Variants in EHD3 observed in about 807,000 individuals in gnomAD.
The protein encoded by EHD3 is EH domain containing 3.
Under a neutral mutation model 43.0 loss-of-function variants are expected in EHD3, and 17 were observed. The ratio of observed to expected loss-of-function variants is 0.40; its 90% CI spans 0.27 to 0.59. The LOEUF (loss-of-function observed/expected upper bound fraction) is 0.59. Ranked by LOEUF, EHD3 falls within the 20% of genes least tolerant of loss-of-function variation. The pLI is 0.49. For synonymous variants in EHD3, 313 were observed against 289.5 expected (o/e 1.08, Z -0.82); for missense variants, 594 against 705.6 (o/e 0.84, Z 1.79).
chr2:31,237,109 A>G (rs1382487190), intron 1 of EHD3, among the ~76,000 whole-genome samples: 1 of 152,176 alleles, frequency 6.6e-6, no homozygotes, highest in Non-Finnish European at 1.5e-5. Context: ...CCAGCGCTGT[A>G]GGAGGGGTCA....
rs971311158 is a variant in EHD3, at chr2:31,243,273, A to T, written c.228-1001A>T. On this transcript the variant is annotated intron_variant, in intron 1 of 5. Coordinates refer to ENST00000322054, the MANE Select transcript of EHD3 (RefSeq NM_014600.3). ...AGCCTGGGCGACGGAATGACACTCC[A>T]TGTCAGCAAGATAAATAAATAAGAT... Among the ~76,000 whole-genome samples the T allele has an allele frequency of 8.5e-5, 13 of 152,178 alleles. No homozygotes were observed. In the East Asian group the frequency reaches 2.5e-3, roughly 29 times the overall value.
chr2:31,237,123 C>T (rs1419065665), intron 1 of EHD3, among the ~76,000 whole-genome samples: 1 of 152,130 alleles, frequency 6.6e-6, no homozygotes, highest in African/African-American at 2.4e-5. Context: ...GGGGTCATAC[C>T]ACAGGGAACC....
chr2:31,261,449 G>A lies in EHD3; in HGVS notation c.916-100G>A, dbSNP rs1349598861. ...TTCAAAAGTAGGAGCAGGAGGAGGC[G>A]GGAGGGATGTAGGGGAAGGAATGAT... On this transcript the variant is annotated intron_variant, in intron 4 of 5. Transcript: ENST00000322054. The A allele has an allele frequency of 1.7e-5, 24 of 1,373,482 alleles. No homozygotes were observed. The Admixed American group carries it at 2.2e-4, about 13-fold the overall frequency. The allele number at this position is 1,373,482 out of a possible 1,614,324, so 85.1% of individuals were successfully genotyped here. A position where few individuals can be genotyped will look rare whatever the true frequency, so the allele number is the denominator to read the frequency against.
In EHD3 at chr2:31,267,381, A is replaced by G. The variant is rs1683975228; in HGVS notation, c.*677A>G. 1 of 152,178 alleles carries G rather than the reference A, an allele frequency of 6.6e-6. No individual in the cohort carries two copies. The highest frequency in any genetic ancestry group is 2.4e-5 in the African/African-American group (1 of 41,370). 9.4% of individuals were successfully genotyped at this position (152,178 alleles called of 1,614,324 possible). On this transcript the variant is annotated 3_prime_UTR_variant, in exon 6 of 6. Transcript: ENST00000322054. ...GAAAAAAATTGATAAGAGTGAGGAA[A>G]TTGTCCTGTAGTCTATTGAAAACCA...
chr2:31,251,154 C>T (rs1683627030), intron 3 of EHD3, among the ~76,000 whole-genome samples: 1 of 152,216 alleles, frequency 6.6e-6, no homozygotes, highest in African/African-American at 2.4e-5. Context: ...GCCACTAGTG[C>T]CAGACCTGGG....
At position 31,251,760 on chromosome 2, in the gene EHD3, G is replaced by A. The variant is rs185801726; in HGVS notation, c.502+2292G>A. Among the ~76,000 whole-genome samples the A allele has an allele frequency of 2.3e-4, 35 of 152,248 alleles. No individual in the cohort carries two copies. The East Asian group carries it at 3.7e-3, about 16-fold the overall frequency. ...CTCCCTCCTTCCAGCCAGCACGCAC[G>A]CTGTAAGCACCTGGCTCCCTGTTAA... On this transcript the variant is annotated intron_variant, in intron 3 of 5. Coordinates refer to ENST00000322054, the MANE Select transcript of EHD3 (RefSeq NM_014600.3).
intron 1 of EHD3, among the ~76,000 whole-genome samples, chr2:31,241,054 C>T (rs1439441491): frequency 6.6e-6 from 1 of 152,192 alleles, no homozygotes; most frequent in Admixed American, 6.5e-5. Flanking sequence ...AGCCAGGGAC[C>T]TGCTCTGATC....
chr2:31,240,244 C>G (rs1461419534), intron 1 of EHD3, among the ~76,000 whole-genome samples: 1 of 152,302 alleles, frequency 6.6e-6, no homozygotes, highest in East Asian at 1.9e-4. Flanking sequence ...TGTCCTGTCT[C>G]CCCTCATTCT....
At position 31,261,587 on chromosome 2, in the gene EHD3, G is replaced by T. The variant is rs1558652348; in HGVS notation, c.954G>T (p.Met318Ile). The change falls in exon 5 of 6, where the codon ATG becomes ATT. Residue 318 changes from methionine to isoleucine, a missense_variant. Met to Ile is a conservative substitution (Grantham distance 10). Around this residue, in one of 3 missense-constraint regions of EHD3, gnomAD observed 322 missense variants for 348.0 expected, o/e 0.93. Coordinates refer to ENST00000322054, the MANE Select transcript of EHD3 (RefSeq NM_014600.3). ...TCATCAGCTCTCTGAAGAAGGAGAT[G>T]CCCTCGGTGTTCGGGAAGGACAACA... is the stretch of plus-strand genomic sequence containing the variant. ...AYIISSLKKE[M>I]PSVFGKDNKK... The T allele has an allele frequency of 2.5e-6, 4 of 1,614,116 alleles. No homozygotes were observed. The highest frequency in any genetic ancestry group is 2.5e-6 in the Non-Finnish European group (3 of 1,180,036).
chr2:31,249,995 G>C (rs1437925341), intron 3 of EHD3, among the ~76,000 whole-genome samples: 1 of 152,064 alleles, frequency 6.6e-6, no homozygotes, highest in Non-Finnish European at 1.5e-5. Flanking sequence ...TTAGAAGACA[G>C]AACTCTGGAG....
chr2:31,254,294 T>C (rs1011678899), intron 3 of EHD3, among the ~76,000 whole-genome samples: 1 of 152,196 alleles, frequency 6.6e-6, no homozygotes, highest in African/African-American at 2.4e-5. Context: ...TTGGCAGGTC[T>C]GGGCTGATCC....
chr2:31,241,603 G>A (rs1462653300), intron 1 of EHD3, among the ~76,000 whole-genome samples: 5 of 152,208 alleles, frequency 3.3e-5, no homozygotes, highest in East Asian at 1.9e-4. Context: ...AAGGTGAAAC[G>A]AGATAATCCA....
In EHD3 at chr2:31,260,799, C is replaced by A. The variant is rs369599160; in HGVS notation, c.792C>A (p.Ile264=). 1.2e-5 allele frequency: 20 copies of A among 1,614,226 alleles called. No homozygotes were observed. The highest frequency in any genetic ancestry group is 1.7e-5 in the Non-Finnish European group (20 of 1,180,040). ...CCTTCTGGTCCCACCCCCTCCTCAT[C>A]CCTGACAACCGGAAGCTCTTTGAGG... ...IGSFWSHPLL[I]PDNRKLFEAE... The change falls in exon 4 of 6, where the codon ATC becomes ATA. Residue 264 remains isoleucine (I), a synonymous_variant. Coordinates refer to ENST00000322054, the MANE Select transcript of EHD3 (RefSeq NM_014600.3). This position sits in a 1 kb window ranked among gnomAD's most constrained non-coding sequence, Gnocchi z 4.6.
rs753006287 is a variant in EHD3, at chr2:31,260,922, G to C, written c.915G>C (p.Lys305Asn). 1 of 1,598,016 alleles carries C rather than the reference G, an allele frequency of 6.3e-7. No individual in the cohort carries two copies. Among genetic ancestry groups the C allele is most frequent in the Non-Finnish European group, 8.5e-7 (1 of 1,171,844 alleles). The change falls in exon 4 of 6, where the codon AAG becomes AAC. Residue 305 changes from lysine (K) to asparagine (N), a missense_variant and splice_region_variant. Lys to Asn is a moderately conservative substitution (Grantham distance 94). Coordinates refer to ENST00000322054, the MANE Select transcript of EHD3 (RefSeq NM_014600.3). The surrounding 1 kb of genome is among the most constrained non-coding windows in gnomAD (Gnocchi z 4.6). ...TCATCAAAAGGGCCAGGCTGGCCAA[G>C]GTGAGGCAGCCCCCTGGGAGGTGGG... ...NDLIKRARLAKVHAYIISSLK... is the reference protein window; with the variant it reads ...NDLIKRARLANVHAYIISSLK...
intron 2 of EHD3, among the ~76,000 whole-genome samples, chr2:31,248,464 C>T (rs759902973): frequency 2.0e-5 from 3 of 152,150 alleles, no homozygotes; most frequent in Non-Finnish European, 4.4e-5. Flanking sequence ...GTACAGGCCT[C>T]CTGGCCTCCT....
At chr2:31,239,687 C>T (rs187222105) in intron 1 of EHD3, among the ~76,000 whole-genome samples, 300 of 152,300 alleles carry the variant, frequency 2.0e-3, no homozygotes, top group Non-Finnish European at 3.0e-3. Context: ...CTTTCTGACC[C>T]GCAGTTTCCT....
In EHD3 at chr2:31,266,212, G is replaced by C; in HGVS notation, c.1116G>C (p.Gln372His). 2 of 1,613,250 alleles carry C rather than the reference G, an allele frequency of 1.2e-6. No homozygotes were observed. The highest frequency in any genetic ancestry group is 1.1e-5 in the South Asian group (1 of 91,050). The change falls in exon 6 of 6, where the codon CAG (glutamine) becomes CAC (histidine). Residue 372 changes from glutamine (Q) to histidine (H), a missense_variant. Coordinates refer to ENST00000322054, the MANE Select transcript of EHD3 (RefSeq NM_014600.3). This position sits in a 1 kb window ranked among gnomAD's most constrained non-coding sequence, Gnocchi z 5.1. ...QLQAQDFSKF[Q>H]PLKSKLLEVV... ...AGGCCCAGGACTTTAGCAAGTTCCA[G>C]CCGCTGAAGAGCAAGCTGCTGGAGG...
intron 1 of EHD3, among the ~76,000 whole-genome samples, chr2:31,243,534 G>T (rs1363814151): frequency 7.1e-6 from 1 of 141,532 alleles, no homozygotes; most frequent in Non-Finnish European, 1.5e-5. Flanking sequence ...TTGGCTCACT[G>T]CGACCTCTGC....
Position 31,260,827 on chromosome 2 carries a change from G to A in EHD3, c.820G>A (p.Glu274Lys). The A allele has an allele frequency of 6.2e-7, 1 of 1,614,224 alleles. No homozygotes were observed. The highest frequency in any genetic ancestry group is 1.7e-5 in the Admixed American group (1 of 60,032). ...IPDNRKLFEA[E>K]EQDLFRDIQS... ...TGACAACCGGAAGCTCTTTGAGGCT[G>A]AGGAACAGGACCTATTCAGGGACAT... Residue 274 changes from glutamate to lysine, a missense_variant, in exon 4 of 6, where the codon GAG (glutamate) becomes AAG (lysine). Glu to Lys is a moderately conservative substitution (Grantham distance 56). Transcript: ENST00000322054. The surrounding 1 kb of genome is among the most constrained non-coding windows in gnomAD (Gnocchi z 4.6).
Sources: gnomAD v4.1 joint callset for allele counts (sites outside exome capture counted in the v4.1 genomes callset) on GRCh38, gnomAD v4.1.1 for gene constraint, gnomAD v4.1.1 regional missense constraint, Gnocchi (gnomAD v3.1) non-coding constraint, MANE v1.5 for transcripts, NCBI Gene and HGNC (gene_info 2026-07-23, HGNC 2026-07-21) for gene names.